The following RBM26 variants were observed in gnomAD, a reference collection of about 807,000 sequenced individuals.
RBM26 encodes RNA-binding protein 26.
A neutral mutation model predicts 123.6 loss-of-function variants in RBM26; 30 were observed. That is an observed-to-expected ratio of 0.24 (90% CI 0.18 to 0.33). The LOEUF (loss-of-function observed/expected upper bound fraction) is 0.33, where lower values mean the gene tolerates loss of function less well. Among genes scored for constraint, RBM26 ranks in the 10% least tolerant of loss-of-function variants. The pLI, the probability that RBM26 is intolerant of heterozygous loss-of-function variation, is 1.00. For missense variants in RBM26, 947 were observed against 1,203.6 expected, an observed-to-expected ratio of 0.79 and a Z score of 3.15; for synonymous variants, 400 against 404.4, an observed-to-expected ratio of 0.99 and a Z score of 0.13.
chr13:79,405,183 G>A (rs1326186396), intron 1 of RBM26, among the ~76,000 whole-genome samples: 4 of 152,186 alleles, frequency 2.6e-5, no homozygotes, highest in Non-Finnish European at 5.9e-5. Flanking sequence ...GCGGGAAAGG[G>A]GAATTTTACT....
chr13:79,401,378 G>C (rs1223878978), intron 1 of RBM26, among the ~76,000 whole-genome samples: 1 of 152,128 alleles, frequency 6.6e-6, no homozygotes, highest in Non-Finnish European at 1.5e-5. Flanking sequence ...GAAAACACTA[G>C]GATGCTGCAT....
In RBM26 at chr13:79,379,549, A is replaced by G. The variant is rs577167109; in HGVS notation, c.72-642T>C. Among the ~76,000 whole-genome samples the G allele has an allele frequency of 7.9e-5, 12 of 151,982 alleles. No homozygotes were observed. The South Asian group carries it at 2.5e-3, about 32-fold the overall frequency. On this transcript the variant is annotated intron_variant, in intron 1 of 21. Transcript: ENST00000438737. ...CAAAGTAAGAACCCTATCTCAAAAAAAAAAGAAAATGTATTGAGACAACTT... is the reference window on the plus strand; with the variant it reads ...CAAAGTAAGAACCCTATCTCAAAAAGAAAAGAAAATGTATTGAGACAACTT...
At chr13:79,339,461 C>T (rs1006296720) in intron 18 of RBM26, among the ~76,000 whole-genome samples, 2 of 152,114 alleles carry the variant, frequency 1.3e-5, no homozygotes, top group East Asian at 1.9e-4. Flanking sequence ...GGGTGATGGA[C>T]ATGTTAGCTT....
intron 1 of RBM26, among the ~76,000 whole-genome samples, chr13:79,391,905 G>A (rs184543867): frequency 6.0e-4 from 89 of 147,860 alleles, no homozygotes; most frequent in African/African-American, 2.1e-3. Flanking sequence ...ACAATCAACA[G>A]GAAAAAATAT....
chr13:79,361,906 G>A (rs750881012), intron 9 of RBM26, among the ~76,000 whole-genome samples: 6 of 152,064 alleles, frequency 3.9e-5, no homozygotes, highest in Non-Finnish European at 8.8e-5. Flanking sequence ...GGGAGAGGAA[G>A]ATTTTAGAAA....
chr13:79,315,924 G>A (rs2067099612), downstream of RBM26, among the ~76,000 whole-genome samples: 1 of 151,748 alleles, frequency 6.6e-6, no homozygotes, highest in Admixed American at 6.6e-5. Context: ...CTAAAGGCCT[G>A]TATACATACC....
intron 3 of RBM26, chr13:79,376,068 T>C (rs1464581129): frequency 6.7e-6 from 1 of 148,752 alleles, no homozygotes; most frequent in Non-Finnish European, 1.5e-5. Flanking sequence ...AGAAAAGTAA[T>C]GTTTTCAAGG....
chr13:79,375,245 T>C (rs1332516932), intron 3 of RBM26, among the ~76,000 whole-genome samples: 1 of 149,900 alleles, frequency 6.7e-6, no homozygotes, highest in African/African-American at 2.5e-5. Context: ...TGGTCTCAGC[T>C]CACTACAACC....
At chr13:79,387,143 A>G (rs1219258751) in intron 1 of RBM26, among the ~76,000 whole-genome samples, 1 of 152,152 alleles carries the variant, frequency 6.6e-6, no homozygotes, top group Non-Finnish European at 1.5e-5. Context: ...CTTAAGACTA[A>G]GCAAACTAAG....
downstream of RBM26, among the ~76,000 whole-genome samples, chr13:79,317,527 C>T (rs1399988374): frequency 2.0e-5 from 3 of 151,580 alleles, no homozygotes; most frequent in Non-Finnish European, 3.0e-5. Context: ...TAAACCTTGT[C>T]TAGTATTCTA....
In RBM26 at chr13:79,353,217, G is replaced by C; in HGVS notation, c.1994C>G (p.Thr665Ser). 6.4e-7 allele frequency: 1 copy of C among 1,568,696 alleles called. No individual in the cohort carries two copies. Among genetic ancestry groups the C allele is most frequent in the Non-Finnish European group, 8.7e-7 (1 of 1,153,122 alleles). Reference sequence around the variant, plus strand: ...CAACCTGTCCTTCACAGATAACTTAGTTACATTCTAAAAAAATTAAAATGG... The same window carrying C: ...CAACCTGTCCTTCACAGATAACTTACTTACATTCTAAAAAAATTAAAATGG... ...SASSDLPQNV[T>S]KLSVKDRLGF... The change falls in exon 14 of 22, where the codon ACT becomes AGT. Residue 665 changes from threonine to serine, a missense_variant. By Grantham distance (58) the Thr-to-Ser change is moderately conservative (BLOSUM62 1). Coordinates refer to ENST00000438737, the MANE Select transcript of RBM26 (RefSeq NM_001366735.2).
intron 18 of RBM26, among the ~76,000 whole-genome samples, chr13:79,339,552 CA>C (rs2071027725): frequency 6.6e-6 from 1 of 151,922 alleles, no homozygotes; most frequent in African/African-American, 2.4e-5. Context: ...GTCAATATAA[CA>C]AAATAACACG....
chr13:79,405,605 T>C, intron 1 of RBM26, 99 bp downstream of exon 1: 1 of 738,000 alleles, frequency 1.4e-6, no homozygotes, highest in Non-Finnish European at 2.1e-6. Flanking sequence ...GTTCACCGCT[T>C]CGGCCTCCAC....
At chr13:79,384,813 C>T (rs1192022126) in intron 1 of RBM26, among the ~76,000 whole-genome samples, 1 of 152,094 alleles carries the variant, frequency 6.6e-6, no homozygotes, top group Non-Finnish European at 1.5e-5. Flanking sequence ...ACTAATCCCC[C>T]AACACACCCA....
At chr13:79,376,935 T>G (rs1461418182) in intron 3 of RBM26, 1 of 157,946 alleles carries the variant, frequency 6.3e-6, no homozygotes, top group Admixed American at 6.1e-5. Context: ...TGGTCTACAC[T>G]GAACATCTGC....
At chr13:79,340,213 C>G (rs2071136977) in intron 18 of RBM26, among the ~76,000 whole-genome samples, 1 of 151,812 alleles carries the variant, frequency 6.6e-6, no homozygotes, top group East Asian at 1.9e-4. Context: ...GCAACCACAT[C>G]AAGTTTCCAG....
chr13:79,366,494 A>G, intron 7 of RBM26, 139 bp downstream of exon 7: 4 of 900,408 alleles, frequency 4.4e-6, no homozygotes, highest in Non-Finnish European at 6.5e-6. Context: ...GTGTATTCCA[A>G]ATGGAAGTAT....
At chr13:79,392,995 T>C (rs1465027537) in intron 1 of RBM26, among the ~76,000 whole-genome samples, 2 of 152,172 alleles carry the variant, frequency 1.3e-5, no homozygotes, top group Non-Finnish European at 2.9e-5. Context: ...GTCGAGAGAT[T>C]AGAATCAGAA....
chr13:79,326,456 C>T (rs1453638007), intron 20 of RBM26, among the ~76,000 whole-genome samples: 1 of 151,936 alleles, frequency 6.6e-6, no homozygotes, highest in Non-Finnish European at 1.5e-5. Context: ...TGTAAAAATC[C>T]ACAAAATATG....
Sources: gnomAD v4.1 joint callset for allele counts (sites outside exome capture counted in the v4.1 genomes callset) on GRCh38, gnomAD v4.1.1 for gene constraint, MANE v1.5 for transcripts, NCBI Gene and HGNC (gene_info 2026-07-23, HGNC 2026-07-21) for gene names.